TAF3: variants seen among roughly 807,000 people sequenced by gnomAD.
TAF3 encodes the protein transcription initiation factor TFIID subunit 3.
In TAF3, 7 loss-of-function variants were observed where a neutral mutation model predicts 80.6. The observed-to-expected ratio is 0.09, with a 90% CI of 0.05 to 0.16. TAF3 has a LOEUF of 0.16. Among genes scored for constraint, TAF3 ranks in the 10% least tolerant of loss-of-function variants. The probability of loss-of-function intolerance (pLI) is 1.00; values close to 1 mark genes in which losing one functional copy is unlikely to be tolerated. For synonymous variants in TAF3, 444 were observed against 446.1 expected, an observed-to-expected ratio of 1.00 and a Z score of 0.06; for missense variants, 921 against 1,140.2, an observed-to-expected ratio of 0.81 and a Z score of 2.77.
At chr10:7,849,250 C>A (rs1837002739) in intron 2 of TAF3, among the ~76,000 whole-genome samples, 1 of 151,696 alleles carries the variant, frequency 6.6e-6, no homozygotes, top group Non-Finnish European at 1.5e-5. Context: ...ACTGGTAGAT[C>A]TAGGATTTGA....
rs114482528 is a variant in TAF3, at chr10:7,866,463, C to T, written c.409+41903C>T. On this transcript the variant is annotated intron_variant, in intron 2 of 6. Coordinates refer to ENST00000344293, the MANE Select transcript of TAF3 (RefSeq NM_031923.4). Reference sequence around the variant, plus strand: ...TAGCTCAGTGATGAGAGCCAGTCATCGTGACCAGCAAAGAAGAGTGTGCTA... The same window carrying T: ...TAGCTCAGTGATGAGAGCCAGTCATTGTGACCAGCAAAGAAGAGTGTGCTA... Among the ~76,000 whole-genome samples the T allele has an allele frequency of 9.4e-3, 1,433 of 152,238 alleles. 23 individuals are homozygous for T. Among genetic ancestry groups the T allele is most frequent in the African/African-American group, 0.033 (1,357 of 41,534 alleles).
chr10:7,879,367 T>C (rs1263614491), intron 2 of TAF3, among the ~76,000 whole-genome samples: 1 of 152,160 alleles, frequency 6.6e-6, no homozygotes, highest in African/African-American at 2.4e-5. Flanking sequence ...GGTAACATAC[T>C]CATGCATAAT....
chr10:8,009,591 C>T lies in TAF3; in HGVS notation c.2568+261C>T, dbSNP rs912586754. On this transcript the variant is annotated intron_variant, in intron 5 of 6. Coordinates refer to ENST00000344293, the MANE Select transcript of TAF3 (RefSeq NM_031923.4). This position sits in a 1 kb window ranked among gnomAD's most constrained non-coding sequence, Gnocchi z 4.1. ...AAAGTGGTGGGGTTACAGGCCTGAG[C>T]CACTGCCCCTGGCCAGACACGTTTC... Among the ~76,000 whole-genome samples, 7 of 152,008 alleles carry T rather than the reference C, an allele frequency of 4.6e-5. No homozygotes were observed. Among genetic ancestry groups the T allele is most frequent in the Admixed American group, 4.6e-4 (7 of 15,258 alleles).
At chr10:7,893,682 T>G (rs1206182481) in intron 2 of TAF3, among the ~76,000 whole-genome samples, 1 of 152,210 alleles carries the variant, frequency 6.6e-6, no homozygotes, top group African/African-American at 2.4e-5. Flanking sequence ...ATCCCTTTGC[T>G]TCTAGCGTAG....
rs535868348 is a variant in TAF3 at position 7,931,976 on chromosome 10, AC to A, written c.410-31942del. Among the ~76,000 whole-genome samples, 71 of 152,320 alleles carry A rather than the reference AC, an allele frequency of 4.7e-4. 1 individual carries two copies. In the South Asian group the frequency reaches 0.014, roughly 29 times the overall value. Reference sequence around the variant, plus strand: ...GAGTACAAAGTGCTAGAGATACGCAACCAGAATATATTTTCCTATAATTACT... The same window carrying A: ...GAGTACAAAGTGCTAGAGATACGCAACAGAATATATTTTCCTATAATTACT... On this transcript the variant is annotated intron_variant, in intron 2 of 6. Coordinates refer to ENST00000344293, the MANE Select transcript of TAF3 (RefSeq NM_031923.4).
intron 2 of TAF3, among the ~76,000 whole-genome samples, chr10:7,832,322 C>T (rs747200082): frequency 1.3e-5 from 2 of 152,174 alleles, no homozygotes; most frequent in Non-Finnish European, 2.9e-5. Context: ...GCTTACTTCA[C>T]TTAGCAGAAT....
At chr10:7,853,208 C>T (rs1837046066) in intron 2 of TAF3, among the ~76,000 whole-genome samples, 1 of 152,028 alleles carries the variant, frequency 6.6e-6, no homozygotes, top group South Asian at 2.1e-4. Context: ...ATACTAGAAG[C>T]AAAGGTGCTC....
chr10:7,844,093 G>A (rs183429471), intron 2 of TAF3, among the ~76,000 whole-genome samples: 11 of 152,224 alleles, frequency 7.2e-5, no homozygotes, highest in Non-Finnish European at 1.5e-4. Context: ...ATAATTTAGC[G>A]TCTCTGGAAC....
In TAF3 at chr10:8,009,167, C is replaced by A; in HGVS notation, c.2405C>A (p.Ala802Asp). 1 of 1,536,438 alleles carries A rather than the reference C, an allele frequency of 6.5e-7. No homozygotes were observed. Among genetic ancestry groups the A allele is most frequent in the Non-Finnish European group, 8.8e-7 (1 of 1,140,942 alleles). ...PKTPPPAPAP[A>D]PGPMLVSPAP... ...ACCCCACCGCCGGCCCCCGCGCCCGCCCCCGGCCCCATGCTCGTCAGCCCT... is the reference window on the plus strand; with the variant it reads ...ACCCCACCGCCGGCCCCCGCGCCCGACCCCGGCCCCATGCTCGTCAGCCCT... The change falls in exon 5 of 7, where the codon GCC becomes GAC. Residue 802 changes from alanine to aspartate, a missense_variant. Coordinates refer to ENST00000344293, the MANE Select transcript of TAF3 (RefSeq NM_031923.4). The surrounding 1 kb of genome is among the most constrained non-coding windows in gnomAD (Gnocchi z 4.1).
chr10:7,862,361 G>A (rs573675241), intron 2 of TAF3, among the ~76,000 whole-genome samples: 123 of 152,182 alleles, frequency 8.1e-4, no homozygotes, highest in Middle Eastern at 3.4e-3. Context: ...TTTTCCTGAT[G>A]TTTGTTTTTT....
intron 2 of TAF3, among the ~76,000 whole-genome samples, chr10:7,940,907 T>A (rs1454704821): frequency 1.3e-5 from 2 of 150,508 alleles, no homozygotes; most frequent in African/African-American, 4.9e-5. Context: ...TGCAGTGAGC[T>A]ATGATCACAC....
At chr10:7,825,378 TGCA>T (rs1836729715) in intron 2 of TAF3, among the ~76,000 whole-genome samples, 1 of 152,204 alleles carries the variant, frequency 6.6e-6, no homozygotes, top group Non-Finnish European at 1.5e-5. Context: ...TGTAAAGGTG[TGCA>T]GTTCTGTGGC....
chr10:7,831,388 G>A (rs577691007), intron 2 of TAF3, among the ~76,000 whole-genome samples: 8 of 151,606 alleles, frequency 5.3e-5, no homozygotes, highest in African/African-American at 1.5e-4. Context: ...CTCCATCGCC[G>A]AGGCTGGAGT....
intron 2 of TAF3, among the ~76,000 whole-genome samples, chr10:7,835,905 C>CTACCT (rs1836847745): frequency 6.6e-6 from 1 of 152,270 alleles, no homozygotes; most frequent in African/African-American, 2.4e-5. Flanking sequence ...GATGCACAAA[C>CTACCT]TACCTTGCCC....
intron 2 of TAF3, among the ~76,000 whole-genome samples, chr10:7,886,062 G>A (rs1837406311): frequency 6.6e-6 from 1 of 152,060 alleles, no homozygotes; most frequent in Non-Finnish European, 1.5e-5. Context: ...CCAAGTAGCT[G>A]GGACTACAGG....
At chr10:8,004,608 A>C (rs1448156799) in intron 4 of TAF3, among the ~76,000 whole-genome samples, 1 of 152,130 alleles carries the variant, frequency 6.6e-6, no homozygotes, top group African/African-American at 2.4e-5. Flanking sequence ...TTATTCCACT[A>C]TCTTCTAGAT....
chr10:7,825,844 T>A (rs1338130506), intron 2 of TAF3, among the ~76,000 whole-genome samples: 1 of 152,078 alleles, frequency 6.6e-6, no homozygotes, highest in East Asian at 1.9e-4. Flanking sequence ...TTTCAGGTGT[T>A]TTTTTTTGGG....
At chr10:7,862,739 T>C (rs539349851) in intron 2 of TAF3, among the ~76,000 whole-genome samples, 2 of 152,368 alleles carry the variant, frequency 1.3e-5, no homozygotes, top group Admixed American at 1.3e-4. Context: ...TTGTAGATTA[T>C]TTTGCATTTT....
intron 2 of TAF3, among the ~76,000 whole-genome samples, chr10:7,891,784 C>T (rs1837459076): frequency 1.3e-5 from 2 of 152,212 alleles, no homozygotes; most frequent in African/African-American, 4.8e-5. Context: ...TCTCTTCTCT[C>T]CTCTGGGATT....
Sources: gnomAD v4.1 joint callset for allele counts (sites outside exome capture counted in the v4.1 genomes callset) on GRCh38, gnomAD v4.1.1 for gene constraint, Gnocchi (gnomAD v3.1) non-coding constraint, MANE v1.5 for transcripts, NCBI Gene and HGNC (gene_info 2026-07-23, HGNC 2026-07-21) for gene names.